The following NDUFAF7 variants were observed in gnomAD, a reference collection of about 807,000 sequenced individuals.
NDUFAF7 encodes protein arginine methyltransferase NDUFAF7, mitochondrial.
NDUFAF7 carries 48 observed loss-of-function variants against 47.2 expected under a neutral mutation model. The ratio of observed to expected loss-of-function variants is 1.02; its 90% CI spans 0.81 to 1.29. The LOEUF (loss-of-function observed/expected upper bound fraction) is 1.29, where lower values mean the gene tolerates loss of function less well. NDUFAF7 is among the 50% of genes most tolerant of loss of function. NDUFAF7 has a pLI of 0.00. For missense variants in NDUFAF7, 635 were observed against 537.6 expected (o/e 1.18, Z -1.79); for synonymous variants, 217 against 190.0 (o/e 1.14, Z -1.17).
the NDUFAF7 span, among the ~76,000 whole-genome samples, chr2:37,266,483 AC>A: frequency 1.7e-5 from 2 of 121,036 alleles, no homozygotes; most frequent in East Asian, 2.4e-4. Context: ...GTGCCACCAC[AC>A]CCGGCTTTTT....
At chr2:37,253,289 G>A, downstream of NDUFAF7, 1 of 1,612,958 alleles carries the variant, frequency 6.2e-7, no homozygotes, top group South Asian at 1.1e-5. Context: ...ACTTTCATGT[G>A]TAATGTAACG....
Position 37,248,847 on chromosome 2 carries a change from G to C in NDUFAF7, c.*497G>C. 5.9e-6 allele frequency: 1 copy of C among 169,026 alleles called. No homozygotes were observed. The highest frequency in any genetic ancestry group is 1.6e-4 in the East Asian group (1 of 6,422). 10.5% of individuals were successfully genotyped at this position (169,026 alleles called of 1,614,324 possible). A position where few individuals can be genotyped will look rare whatever the true frequency, so the allele number is the denominator to read the frequency against. The stretch of plus-strand genomic sequence containing the variant: ...GAGAATCACTTGAACCTGGGAGGTG[G>C]AGGTTGCGGTGAGCTGAGATCGTGC... On this transcript the variant is annotated 3_prime_UTR_variant, in exon 10 of 10. Transcript: ENST00000002125.
chr2:37,258,098 G>GA (rs1445458297), downstream of NDUFAF7, among the ~76,000 whole-genome samples: 1 of 152,152 alleles, frequency 6.6e-6, no homozygotes, highest in Non-Finnish European at 1.5e-5. Context: ...CTTTCTGGAG[G>GA]AAATGCTCTG....
At chr2:37,236,264 C>T (rs1397383837) in intron 3 of NDUFAF7, 88 bp downstream of exon 3, 2 of 1,169,154 alleles carry the variant, frequency 1.7e-6, no homozygotes, top group Non-Finnish European at 2.6e-6. Context: ...TGTTCTACAG[C>T]TTTTTTTGTG....
the NDUFAF7 span, chr2:37,267,664 C>A: frequency 1.5e-6 from 1 of 678,154 alleles, no homozygotes; most frequent in Non-Finnish European, 2.5e-6. Context: ...GTTCTTTCTC[C>A]ACACTCCTTC....
Position 37,231,765 on chromosome 2 carries a change from G to C in NDUFAF7, c.55+5G>C, listed in dbSNP as rs762501118. ...TGTGTGCCGTGGCGCGCGCAGGTAAGCGTCAGTCCCCTCGAAGCCCGGTTG... is the reference window on the plus strand; with the variant it reads ...TGTGTGCCGTGGCGCGCGCAGGTAACCGTCAGTCCCCTCGAAGCCCGGTTG... On this transcript the variant is annotated splice_donor_5th_base_variant and intron_variant, in intron 1 of 9. Transcript: ENST00000002125. 52 of 1,614,080 alleles carry C rather than the reference G, an allele frequency of 3.2e-5. No individual in the cohort carries two copies. The highest frequency in any genetic ancestry group is 4.3e-5 in the Non-Finnish European group (51 of 1,180,036).
the NDUFAF7 span, chr2:37,268,230 A>G: frequency 1.6e-5 from 7 of 447,080 alleles, no homozygotes; most frequent in South Asian, 9.9e-5. Flanking sequence ...ATTTGTCTCA[A>G]TGGCACAATC....
chr2:37,238,509 G>T (rs1666026275), intron 4 of NDUFAF7, among the ~76,000 whole-genome samples: 1 of 151,598 alleles, frequency 6.6e-6, no homozygotes. Context: ...GTAGCACTTT[G>T]GGGGGCCAAG....
chr2:37,254,083 A>G, downstream of NDUFAF7: 1 of 713,134 alleles, frequency 1.4e-6, no homozygotes, highest in Admixed American at 2.3e-5. Context: ...CATAGTACAA[A>G]TTAATCACTT....
At chr2:37,256,654 T>A, downstream of NDUFAF7, 1 of 1,377,262 alleles carries the variant, frequency 7.3e-7, no homozygotes, top group Admixed American at 3.0e-5. Flanking sequence ...TTTTTTTTTT[T>A]TTTTTACCTT....
intron 7 of NDUFAF7, among the ~76,000 whole-genome samples, chr2:37,244,424 C>A (rs1005842040): frequency 6.6e-6 from 1 of 152,160 alleles, no homozygotes; most frequent in African/African-American, 2.4e-5. Flanking sequence ...CTATTATTAT[C>A]CTTCTTTGGG....
intron 4 of NDUFAF7, among the ~76,000 whole-genome samples, chr2:37,239,609 C>T (rs551794225): frequency 3.3e-5 from 5 of 152,118 alleles, no homozygotes; most frequent in East Asian, 3.9e-4. Flanking sequence ...AAATGCCCAT[C>T]GGGGGGTAAA....
At chr2:37,234,969 C>A (rs1327098869) in intron 2 of NDUFAF7, among the ~76,000 whole-genome samples, 2 of 152,140 alleles carry the variant, frequency 1.3e-5, no homozygotes, top group Non-Finnish European at 2.9e-5. Flanking sequence ...ATATTTAACT[C>A]AATTCTTGAG....
intron 4 of NDUFAF7, among the ~76,000 whole-genome samples, chr2:37,239,769 A>G (rs1012234754): frequency 2.0e-5 from 3 of 152,340 alleles, no homozygotes; most frequent in African/African-American, 4.8e-5. Flanking sequence ...GATTGTATTT[A>G]TATAAAATCC....
At chr2:37,270,907 C>T in the NDUFAF7 span, among the ~76,000 whole-genome samples, 1 of 152,194 alleles carries the variant, frequency 6.6e-6, no homozygotes, top group Non-Finnish European at 1.5e-5. Context: ...TCCCCCATGA[C>T]ATGGATGGAG....
the NDUFAF7 span, among the ~76,000 whole-genome samples, chr2:37,270,893 C>T: frequency 4.6e-5 from 7 of 152,134 alleles, no homozygotes; most frequent in Non-Finnish European, 1.0e-4. Context: ...ATTCTGAATC[C>T]TTTTCCCCCA....
chr2:37,246,023 T>G lies in NDUFAF7; in HGVS notation c.793-29T>G, dbSNP rs765925766. The G allele has an allele frequency of 3.1e-6, 5 of 1,612,258 alleles. No homozygotes were observed. In the South Asian group the frequency reaches 5.5e-5, roughly 18 times the overall value. ...GAAGTCATTCTTTTGAATGATGCATTTTGACTCTTGCAATGATCCCTTTAC... is the reference window on the plus strand; with the variant it reads ...GAAGTCATTCTTTTGAATGATGCATGTTGACTCTTGCAATGATCCCTTTAC... On this transcript the variant is annotated intron_variant, in intron 7 of 9. Transcript: ENST00000002125.
chr2:37,260,309 T>C, the NDUFAF7 span: 1 of 1,609,060 alleles, frequency 6.2e-7, no homozygotes, highest in Non-Finnish European at 8.5e-7. Context: ...CCATGCAGCT[T>C]TTCCATTACT....
At chr2:37,244,246 C>T (rs186230087) in intron 7 of NDUFAF7, among the ~76,000 whole-genome samples, 13 of 152,160 alleles carry the variant, frequency 8.5e-5, no homozygotes, top group Non-Finnish European at 1.8e-4. Flanking sequence ...CTGCTTATCT[C>T]AGTTTCATGT....
Sources: allele counts gnomAD v4.1 joint callset (sites outside exome capture counted in the v4.1 genomes callset), GRCh38; gene constraint gnomAD v4.1.1; transcripts MANE v1.5; gene names NCBI Gene and HGNC (gene_info 2026-07-23, HGNC 2026-07-21).